Variants in RGS7 observed in about 807,000 individuals in gnomAD.
The protein encoded by RGS7 is regulator of G protein signaling 7, also known as regulator of G-protein signaling 7.
In RGS7, 27 loss-of-function variants were observed where a neutral mutation model predicts 81.1. That is an observed-to-expected ratio of 0.33 (90% CI 0.25 to 0.46). The LOEUF is 0.46. Among genes scored for constraint, RGS7 ranks in the 20% least tolerant of loss-of-function variants. The pLI is 1.00. For missense variants in RGS7, 396 were observed against 607.4 expected (o/e 0.65, Z 3.66); for synonymous variants, 208 against 207.7 (o/e 1.00, Z -0.01).
intron 2 of RGS7, among the ~76,000 whole-genome samples, chr1:241,156,528 A>C (rs1191786366): frequency 6.8e-6 from 1 of 147,062 alleles, no homozygotes; most frequent in Non-Finnish European, 1.5e-5. Context: ...AAAAAGAAAG[A>C]TAGATGCTAG....
At chr1:240,798,128 CCTGA>C (rs1164416995) in intron 18 of RGS7, among the ~76,000 whole-genome samples, 2 of 152,140 alleles carry the variant, frequency 1.3e-5, no homozygotes, top group African/African-American at 4.8e-5. Flanking sequence ...GTGATACCTG[CCTGA>C]CTACCTCCCA....
At chr1:241,010,991 T>A (rs1026944419) in intron 3 of RGS7, among the ~76,000 whole-genome samples, 1 of 152,064 alleles carries the variant, frequency 6.6e-6, no homozygotes, top group African/African-American at 2.4e-5. Context: ...AACACACAGA[T>A]TTTTTTGGAC....
intron 2 of RGS7, among the ~76,000 whole-genome samples, chr1:241,345,995 T>C (rs977499854): frequency 4.6e-5 from 7 of 152,224 alleles, no homozygotes; most frequent in Admixed American, 1.3e-4. Context: ...AGTCTGGTGA[T>C]GGAGCGAGAG....
chr1:241,281,832 T>C (rs534795653), intron 2 of RGS7, among the ~76,000 whole-genome samples: 3 of 152,374 alleles, frequency 2.0e-5, no homozygotes, highest in African/African-American at 7.2e-5. Context: ...TCAACTTACA[T>C]GTCAGCTTGG....
chr1:240,906,181 A>T (rs971246001), intron 6 of RGS7, among the ~76,000 whole-genome samples: 1 of 151,924 alleles, frequency 6.6e-6, no homozygotes, highest in Non-Finnish European at 1.5e-5. Context: ...TGTGTTGATC[A>T]CTCTGGAAAG....
At chr1:241,302,821 TCAAC>T (rs2079853433) in intron 2 of RGS7, among the ~76,000 whole-genome samples, 1 of 152,184 alleles carries the variant, frequency 6.6e-6, no homozygotes, top group African/African-American at 2.4e-5. Context: ...TCATGTCTTT[TCAAC>T]CATAAGTATT....
chr1:241,233,395 C>T (rs1346632766), intron 2 of RGS7, among the ~76,000 whole-genome samples: 1 of 152,174 alleles, frequency 6.6e-6, no homozygotes, highest in Non-Finnish European at 1.5e-5. Context: ...CACTGCCATT[C>T]GCAGCCTCTG....
intron 2 of RGS7, among the ~76,000 whole-genome samples, chr1:241,102,587 C>T (rs2064835760): frequency 6.6e-6 from 1 of 152,194 alleles, no homozygotes; most frequent in Non-Finnish European, 1.5e-5. Context: ...CCCTCCATTC[C>T]CTTTTTTTTC....
intron 3 of RGS7, among the ~76,000 whole-genome samples, chr1:240,989,392 C>T (rs146641466): frequency 0.012 from 1,882 of 151,586 alleles, 42 homozygotes; most frequent in African/African-American, 0.043. Flanking sequence ...ACTGAGATGG[C>T]GCCACTGCAC....
chr1:241,318,012 G>C (rs568028915), intron 2 of RGS7, among the ~76,000 whole-genome samples: 8 of 152,128 alleles, frequency 5.3e-5, no homozygotes, highest in African/African-American at 1.9e-4. Context: ...TGCCATCTTG[G>C]TGCCCCTCAC....
intron 2 of RGS7, among the ~76,000 whole-genome samples, chr1:241,117,294 T>G (rs1417428566): frequency 1.3e-5 from 2 of 152,226 alleles, no homozygotes; most frequent in African/African-American, 2.4e-5. Flanking sequence ...AAGTTCTGAT[T>G]GTTCACATGC....
At chr1:240,799,849 C>T (rs552694564) in intron 18 of RGS7, among the ~76,000 whole-genome samples, 17 of 152,060 alleles carry the variant, frequency 1.1e-4, no homozygotes, top group Non-Finnish European at 2.5e-4. Flanking sequence ...GATGATCAGT[C>T]CTCCCTTCCC....
intron 9 of RGS7, among the ~76,000 whole-genome samples, chr1:240,851,144 T>C (rs1394283512): frequency 6.6e-6 from 1 of 152,194 alleles, no homozygotes; most frequent in African/African-American, 2.4e-5. Flanking sequence ...GAGAAGTCAG[T>C]GCCAGGCTTC....
intron 9 of RGS7, among the ~76,000 whole-genome samples, chr1:240,849,625 G>A (rs1301653115): frequency 6.6e-6 from 1 of 152,112 alleles, no homozygotes; most frequent in African/African-American, 2.4e-5. Context: ...CCTCCCCTTG[G>A]TGATGAGTAA....
chr1:240,942,606 A>C (rs1677788670), intron 4 of RGS7, among the ~76,000 whole-genome samples: 1 of 152,216 alleles, frequency 6.6e-6, no homozygotes, highest in Non-Finnish European at 1.5e-5. Context: ...AATATTTTAA[A>C]AGAAAATCTA....
intron 4 of RGS7, among the ~76,000 whole-genome samples, chr1:240,946,124 T>C (rs1178064894): frequency 6.6e-6 from 1 of 152,188 alleles, no homozygotes; most frequent in African/African-American, 2.4e-5. Flanking sequence ...ACAATTAAAA[T>C]TATAACTACT....
intron 6 of RGS7, among the ~76,000 whole-genome samples, chr1:240,917,188 ACTTT>A (rs1442755662): frequency 1.3e-5 from 2 of 152,174 alleles, no homozygotes; most frequent in African/African-American, 2.4e-5. Flanking sequence ...AAAAACAAAG[ACTTT>A]CTTAGAAAAA....
At chr1:241,339,905 G>C (rs2082440918) in intron 2 of RGS7, among the ~76,000 whole-genome samples, 1 of 152,064 alleles carries the variant, frequency 6.6e-6, no homozygotes, top group African/African-American at 2.4e-5. Flanking sequence ...CAGAAAAAGA[G>C]GGAAAAAATA....
intron 2 of RGS7, among the ~76,000 whole-genome samples, chr1:241,285,707 C>A (rs1014449516): frequency 6.6e-6 from 1 of 152,160 alleles, no homozygotes; most frequent in Non-Finnish European, 1.5e-5. Flanking sequence ...TATACTAGAA[C>A]TGTTTTCAAG....
Sources: allele counts gnomAD v4.1 joint callset (sites outside exome capture counted in the v4.1 genomes callset), GRCh38; gene constraint gnomAD v4.1.1; transcripts MANE v1.5; gene names NCBI Gene and HGNC (gene_info 2026-07-23, HGNC 2026-07-21).